Variants in DNAH6 observed in about 807,000 individuals in gnomAD.
DNAH6 encodes the protein axonemal beta dynein heavy chain 6.
DNAH6 carries 340 observed loss-of-function variants against 491.4 expected under a neutral mutation model. That is an observed-to-expected ratio of 0.69 (90% CI 0.63 to 0.76). DNAH6 has a LOEUF of 0.76. Among genes scored for constraint, DNAH6 ranks in the 30% least tolerant of loss-of-function variants. DNAH6 has a pLI of 0.00. For missense variants in DNAH6, 4,443 were observed against 4,972.2 expected (o/e 0.89, Z 3.20); for synonymous variants, 1,603 against 1,686.1 (o/e 0.95, Z 1.21).
rs1365743592 is a variant in DNAH6 at position 84,531,319 on chromosome 2, A to C, written c.662+2153A>C. 8.9e-5 allele frequency among the ~76,000 whole-genome samples: 2 copies of C among 22,358 alleles called. 1 individual carries two copies. Among genetic ancestry groups the C allele is most frequent in the Non-Finnish European group, 2.6e-4 (2 of 7,742 alleles). The allele number at this position is 22,358 out of a possible 152,430, so 14.7% of individuals were successfully genotyped here. ...TAGTGATTTGGGGGCCTCAAGATTT[A>C]TTTTCCTTTTTTTTTTTATTTTTTA... is the stretch of plus-strand genomic sequence containing the variant. On this transcript the variant is annotated intron_variant, in intron 4 of 76. Coordinates refer to ENST00000389394, the MANE Select transcript of DNAH6 (RefSeq NM_001370.2).
At chr2:84,611,335 T>C (rs536730106) in intron 21 of DNAH6, among the ~76,000 whole-genome samples, 101 of 152,156 alleles carry the variant, frequency 6.6e-4, no homozygotes, top group African/African-American at 2.4e-3. Context: ...TGTTTGAAAA[T>C]GGTCACTGAA....
chr2:84,565,388 G>T (rs1001620012), intron 11 of DNAH6, among the ~76,000 whole-genome samples: 2 of 151,254 alleles, frequency 1.3e-5, no homozygotes, highest in African/African-American at 4.9e-5. Flanking sequence ...TTACTGGTCT[G>T]TTCGGGGTTT....
intron 39 of DNAH6, among the ~76,000 whole-genome samples, chr2:84,672,084 C>G (rs1323739819): frequency 1.3e-5 from 2 of 152,170 alleles, no homozygotes; most frequent in African/African-American, 4.8e-5. Flanking sequence ...CCATCTTGTG[C>G]CCTGACAGTG....
rs1387567827 is a variant in DNAH6, at chr2:84,598,154, T to TCTTTCTTG, written c.2868+2372_2868+2373insGCTTTCTT. ...TTCTTTCTTTCTTTCTTTCTTTCTT[T>TCTTTCTTG]CTTTCTTTCTTTCTTTCTTTCTTTC... On this transcript the variant is annotated intron_variant, in intron 18 of 76. Transcript: ENST00000389394. Among the ~76,000 whole-genome samples, 12 of 64,860 alleles carry TCTTTCTTG rather than the reference T, an allele frequency of 1.9e-4. No homozygotes were observed. The East Asian group carries it at 4.5e-3, about 24-fold the overall frequency. 42.6% of individuals were successfully genotyped at this position (64,860 alleles called of 152,430 possible).
At chr2:84,720,194 G>T (rs1697962054) in intron 59 of DNAH6, among the ~76,000 whole-genome samples, 1 of 151,208 alleles carries the variant, frequency 6.6e-6, no homozygotes, top group African/African-American at 2.4e-5. Flanking sequence ...CATGGGTGGT[G>T]TGGGAAGATG....
At position 84,669,324 on chromosome 2, in the gene DNAH6, G is replaced by A. The variant is rs1692483852; in HGVS notation, c.6120G>A (p.Met2040Ile). 1 of 1,551,602 alleles carries A rather than the reference G, an allele frequency of 6.4e-7. No homozygotes were observed. The highest frequency in any genetic ancestry group is 8.7e-7 in the Non-Finnish European group (1 of 1,146,908). The change falls in exon 38 of 77, where the codon ATG becomes ATA. Residue 2040 changes from methionine (M) to isoleucine (I), a missense_variant. This residue lies in a region of DNAH6 where 2,977 missense variants were observed against 3,296.6 expected (regional missense o/e 0.90). Transcript: ENST00000389394. ...PNSGDLWSIHMDFDTKRLDPW... is the reference protein window; with the variant it reads ...PNSGDLWSIHIDFDTKRLDPW... ...CTGGTGATCTGTGGAGCATTCATAT[G>A]GACTTTGACACCAAACGGCTGGATC... is the stretch of plus-strand genomic sequence containing the variant.
chr2:84,794,536 T>C (rs931221720), intron 68 of DNAH6, among the ~76,000 whole-genome samples: 1 of 150,858 alleles, frequency 6.6e-6, no homozygotes, highest in Non-Finnish European at 1.5e-5. Context: ...CAGACACTTC[T>C]CAAAAGAAGA....
chr2:84,740,390 A>G (rs1276796091), intron 62 of DNAH6, among the ~76,000 whole-genome samples: 2 of 151,920 alleles, frequency 1.3e-5, no homozygotes, highest in Non-Finnish European at 2.9e-5. Flanking sequence ...TGAGACACAG[A>G]CTCTTTCAAC....
At chr2:84,482,734 T>G in the DNAH6 span, among the ~76,000 whole-genome samples, 1 of 152,234 alleles carries the variant, frequency 6.6e-6, no homozygotes, top group Non-Finnish European at 1.5e-5. Context: ...TAAATGACAC[T>G]CTAGGTTTTT....
chr2:84,522,382 A>G (rs1242915026), intron 2 of DNAH6, among the ~76,000 whole-genome samples: 1 of 152,048 alleles, frequency 6.6e-6, no homozygotes, highest in African/African-American at 2.4e-5. Flanking sequence ...TGGGCAGACT[A>G]TGGGGTTTTC....
Position 84,640,452 on chromosome 2 carries a change from T to C in DNAH6, c.4844T>C (p.Phe1615Ser). The C allele has an allele frequency of 6.6e-7, 1 of 1,519,456 alleles. No homozygotes were observed. Among genetic ancestry groups the C allele is most frequent in the Non-Finnish European group, 8.9e-7 (1 of 1,117,940 alleles). 94.1% of individuals were successfully genotyped at this position (1,519,456 alleles called of 1,614,324 possible). Residue 1615 changes from phenylalanine (F) to serine (S), a missense_variant, in exon 32 of 77, where the codon TTT becomes TCT. Coordinates refer to ENST00000389394, the MANE Select transcript of DNAH6 (RefSeq NM_001370.2). ...IAEVILYSEG[F>S]ESSKILARKM... ...TAGGTAATTCTATATTCTGAAGGATTTGAATCCAGTAAAATATTAGCAAGA... is the reference window on the plus strand; with the variant it reads ...TAGGTAATTCTATATTCTGAAGGATCTGAATCCAGTAAAATATTAGCAAGA...
chr2:84,776,095 A>G (rs1227118675), intron 64 of DNAH6, among the ~76,000 whole-genome samples: 1 of 152,202 alleles, frequency 6.6e-6, no homozygotes, highest in Non-Finnish European at 1.5e-5. Context: ...CACTATTGAC[A>G]TATATAGATC....
rs1456985175 is a variant in DNAH6 at position 84,705,564 on chromosome 2, C to A, written c.8544C>A (p.Asn2848Lys). The A allele has an allele frequency of 2.6e-6, 4 of 1,551,538 alleles. No homozygotes were observed. The highest frequency in any genetic ancestry group is 3.5e-6 in the Non-Finnish European group (4 of 1,146,924). Residue 2848 changes from asparagine to lysine, a missense_variant, in exon 52 of 77, where the codon AAC becomes AAA. Physicochemically the swap from Asn to Lys is moderately conservative, Grantham distance 94. This residue lies in a region of DNAH6 where 1,463 missense variants were observed against 1,656.6 expected (regional missense o/e 0.88). Coordinates refer to ENST00000389394, the MANE Select transcript of DNAH6 (RefSeq NM_001370.2). ...LKRLLEYDKE[N>K]IKPQILAKLQ... is the part of the protein sequence containing the mutation. Reference sequence around the variant, plus strand: ...GGCTTTTAGAATATGATAAGGAGAACATAAAGCCTCAGATATTGGCAAAGC... The same window carrying A: ...GGCTTTTAGAATATGATAAGGAGAAAATAAAGCCTCAGATATTGGCAAAGC...
intron 18 of DNAH6, among the ~76,000 whole-genome samples, chr2:84,599,581 A>AT (rs1245558687): frequency 2.0e-5 from 3 of 152,014 alleles, no homozygotes; most frequent in Admixed American, 1.3e-4. Flanking sequence ...TGAAATGATT[A>AT]TTTTTTCTTC....
At chr2:84,464,177 T>G in the DNAH6 span, among the ~76,000 whole-genome samples, 1 of 152,154 alleles carries the variant, frequency 6.6e-6, no homozygotes, top group South Asian at 2.1e-4. Flanking sequence ...GCATCATCAT[T>G]TACTCCTACT....
rs72922720 is a variant in DNAH6, at chr2:84,624,249, T to C, written c.4072-16T>C. 7.9e-3 allele frequency: 11,942 copies of C among 1,506,086 alleles called. 767 individuals carry two copies. The African/African-American group carries it at 0.14, about 18-fold the overall frequency. The allele number at this position is 1,506,086 out of a possible 1,614,324, so 93.3% of individuals were successfully genotyped here. On this transcript the variant is annotated splice_polypyrimidine_tract_variant and intron_variant, in intron 26 of 76. Coordinates refer to ENST00000389394, the MANE Select transcript of DNAH6 (RefSeq NM_001370.2). The stretch of plus-strand genomic sequence containing the variant: ...GATATTGGAAAATTCACCATGACAA[T>C]TTTTTTTATTTGTAGAGATTAAATG...
At chr2:84,605,325 C>T (rs1285923507) in intron 19 of DNAH6, among the ~76,000 whole-genome samples, 175 bp from the exon 20 acceptor site, 1 of 144,762 alleles carries the variant, frequency 6.9e-6, no homozygotes, top group Non-Finnish European at 1.5e-5. Flanking sequence ...CGCACTCCAG[C>T]CTGGGTGACA....
the DNAH6 span, among the ~76,000 whole-genome samples, chr2:84,472,201 C>T: frequency 6.6e-6 from 1 of 151,852 alleles, no homozygotes; most frequent in Admixed American, 6.6e-5. Flanking sequence ...TTCCTGGTCT[C>T]CTGCCTTCTG....
At chr2:84,488,456 T>C in the DNAH6 span, among the ~76,000 whole-genome samples, 1 of 152,046 alleles carries the variant, frequency 6.6e-6, no homozygotes, top group Non-Finnish European at 1.5e-5. Flanking sequence ...AAATCTAAAT[T>C]AAAGTATTGG....
Sources: allele counts gnomAD v4.1 joint callset (sites outside exome capture counted in the v4.1 genomes callset), GRCh38; gene constraint gnomAD v4.1.1; regional missense constraint gnomAD v4.1.1; transcripts MANE v1.5; gene names NCBI Gene and HGNC (gene_info 2026-07-23, HGNC 2026-07-21).